Variants in SREBF2 observed in about 807,000 individuals in gnomAD.
The protein encoded by SREBF2 is sterol regulatory element-binding protein 2.
Under a neutral mutation model 113.1 loss-of-function variants are expected in SREBF2, and 55 were observed. That is an observed-to-expected ratio of 0.49 (90% CI 0.39 to 0.61). The LOEUF is 0.61. SREBF2 is among the 20% of genes least tolerant of loss of function. The pLI is 0.00. For missense variants in SREBF2, 1,349 were observed against 1,487.4 expected (o/e 0.91, Z 1.53); for synonymous variants, 593 against 605.7 (o/e 0.98, Z 0.31).
intron 15 of SREBF2, chr22:41,899,060 C>G (rs2077441530): frequency 1.6e-6 from 1 of 611,678 alleles, no homozygotes; most frequent in East Asian, 4.7e-5. Context: ...CATGGCGCCA[C>G]AGGCTGAAAA....
chr22:41,890,247 C>T (rs1368551260), intron 11 of SREBF2, among the ~76,000 whole-genome samples: 1 of 152,150 alleles, frequency 6.6e-6, no homozygotes, highest in African/African-American at 2.4e-5. Flanking sequence ...CTCTTTTCCA[C>T]ATTGATTTTC....
rs538976123 is a variant in SREBF2, at chr22:41,906,142, C to T, written c.*482C>T. 6 of 383,422 alleles carry T rather than the reference C, an allele frequency of 1.6e-5. No homozygotes were observed. Among genetic ancestry groups the T allele is most frequent in the Admixed American group, 1.2e-4 (4 of 32,312 alleles). 23.8% of individuals were successfully genotyped at this position (383,422 alleles called of 1,614,324 possible). On this transcript the variant is annotated 3_prime_UTR_variant, in exon 19 of 19. Coordinates refer to ENST00000361204, the MANE Select transcript of SREBF2 (RefSeq NM_004599.4). ...CAGTGTGCTTGGGTTTGCCATGATGCGAGGCTGAGTTGCTGTAGCGTCTTG... is the reference window on the plus strand; with the variant it reads ...CAGTGTGCTTGGGTTTGCCATGATGTGAGGCTGAGTTGCTGTAGCGTCTTG...
At position 41,897,153 on chromosome 22, in the gene SREBF2, C is replaced by T. The variant is rs2077423988; in HGVS notation, c.2597C>T (p.Ser866Phe). The T allele has an allele frequency of 1.2e-6, 2 of 1,610,278 alleles. No individual in the cohort carries two copies. Among genetic ancestry groups the T allele is most frequent in the Admixed American group, 3.3e-5 (2 of 59,900 alleles). ...PPLSRSSVLK[S>F]ALGPDIICRW... ...CTCTCCAGGAGCTCCGTGCTCAAGT[C>T]CGCCCTGGGTAAGCACCTGCGGGTG... Residue 866 changes from serine to phenylalanine, a missense_variant, in exon 14 of 19, where the codon TCC (serine) becomes TTC (phenylalanine). This residue lies in a region of SREBF2 where 650 missense variants were observed against 644.1 expected (regional missense o/e 1.01). Coordinates refer to ENST00000361204, the MANE Select transcript of SREBF2 (RefSeq NM_004599.4).
intron 1 of SREBF2, among the ~76,000 whole-genome samples, chr22:41,842,159 A>T (rs1371391953): frequency 6.6e-6 from 1 of 152,230 alleles, no homozygotes; most frequent in African/African-American, 2.4e-5. Context: ...CATTCATATG[A>T]ATCAAAATAA....
chr22:41,904,391 C>T (rs891204497), intron 17 of SREBF2: 16 of 358,038 alleles, frequency 4.5e-5, no homozygotes, highest in African/African-American at 2.1e-4. Context: ...CATACCTAAG[C>T]GCTGCAGACT....
chr22:41,905,838 G>T lies in SREBF2; in HGVS notation c.*178G>T. On this transcript the variant is annotated 3_prime_UTR_variant, in exon 19 of 19. Coordinates refer to ENST00000361204, the MANE Select transcript of SREBF2 (RefSeq NM_004599.4). ...GAGCCCCTTAAAGCTGCTGTCACTA[G>T]ATGCCCATGGTCCAGGGCCTGGTGG... The T allele has an allele frequency of 1.3e-6, 1 of 767,670 alleles. No homozygotes were observed. The highest frequency in any genetic ancestry group is 2.3e-6 in the Non-Finnish European group (1 of 440,420). The allele number at this position is 767,670 out of a possible 1,614,324, so 47.6% of individuals were successfully genotyped here.
intron 11 of SREBF2, among the ~76,000 whole-genome samples, chr22:41,887,312 T>G (rs1168307716): frequency 6.6e-6 from 1 of 152,174 alleles, no homozygotes; most frequent in Non-Finnish European, 1.5e-5. Context: ...CACACCCTTA[T>G]AGCCAGCAGA....
intron 1 of SREBF2, among the ~76,000 whole-genome samples, chr22:41,861,914 G>C (rs764631455): frequency 1.3e-5 from 2 of 150,044 alleles, no homozygotes; most frequent in Non-Finnish European, 3.0e-5. Flanking sequence ...GCGAGACTTT[G>C]TCTCAAAAAA....
Position 41,905,551 on chromosome 22 carries a change from T to G in SREBF2, c.3317T>G (p.Leu1106Arg). The G allele has an allele frequency of 6.3e-7, 1 of 1,591,342 alleles. No homozygotes were observed. The highest frequency in any genetic ancestry group is 8.5e-7 in the Non-Finnish European group (1 of 1,169,634). The stretch of plus-strand genomic sequence containing the variant: ...TCCCCGGGCCAGCGGGCAGTGCTGC[T>G]GGCCGAAGCTGCCCGCACCCTGGAG... ...LSSPGQRAVL[L>R]AEAARTLEKV... The change falls in exon 19 of 19, where the codon CTG (leucine) becomes CGG (arginine). Residue 1106 changes from leucine to arginine, a missense_variant. By Grantham distance (102) the Leu-to-Arg change is moderately radical (BLOSUM62 -2). Coordinates refer to ENST00000361204, the MANE Select transcript of SREBF2 (RefSeq NM_004599.4).
At chr22:41,848,534 GCTCTTGCATGGGTCGGGA>G (rs1240041778) in intron 1 of SREBF2, among the ~76,000 whole-genome samples, 7 of 152,206 alleles carry the variant, frequency 4.6e-5, no homozygotes, top group Non-Finnish European at 8.8e-5. Context: ...CAAGGGTGGG[GCTCTTGCATGGGTCGGGA>G]CTCTGGTTGA....
At chr22:41,866,714 C>G in intron 1 of SREBF2, 117 bp from the exon 2 acceptor site, 3 of 1,226,516 alleles carry the variant, frequency 2.4e-6, no homozygotes, top group Middle Eastern at 4.3e-4. Flanking sequence ...GTTTCCTGAC[C>G]CATTTCTGCC....
At chr22:41,900,874 G>A (rs1052401296) in intron 16 of SREBF2, 4 of 514,092 alleles carry the variant, frequency 7.8e-6, no homozygotes, top group African/African-American at 3.8e-5. Flanking sequence ...CTGCCCCCTC[G>A]GGCACACAAA....
At chr22:41,899,885 T>C (rs2077450205) in intron 15 of SREBF2, 2 of 1,064,912 alleles carry the variant, frequency 1.9e-6, no homozygotes, top group Non-Finnish European at 2.3e-6. Context: ...CCCCCATCCC[T>C]AGCCTCCCCT....
At chr22:41,892,603 G>A (rs1449186167) in intron 11 of SREBF2, among the ~76,000 whole-genome samples, 2 of 145,518 alleles carry the variant, frequency 1.4e-5, no homozygotes, top group Non-Finnish European at 3.0e-5. Flanking sequence ...AGTCGAGATC[G>A]CGCCACTGCA....
chr22:41,880,999 GGGCAGCTGCT>G lies in SREBF2; in HGVS notation c.2038+9_2038+18del, dbSNP rs1269807231. 5.6e-6 allele frequency: 9 copies of G among 1,604,550 alleles called. No individual in the cohort carries two copies. The highest frequency in any genetic ancestry group is 2.1e-4 in the Middle Eastern group (1 of 4,712). On this transcript the variant is annotated splice_region_variant and intron_variant, in intron 10 of 18. Coordinates refer to ENST00000361204, the MANE Select transcript of SREBF2 (RefSeq NM_004599.4). Reference sequence around the variant, plus strand: ...CACCAGCTGCACATCACAGGTGAGGGGGCAGCTGCTGCTGCCTGGCTTGCTGCAAGGCATC... The same window carrying G: ...CACCAGCTGCACATCACAGGTGAGGGGCTGCCTGGCTTGCTGCAAGGCATC...
chr22:41,837,898 G>T (rs2076794280), intron 1 of SREBF2, among the ~76,000 whole-genome samples: 1 of 150,362 alleles, frequency 6.7e-6, no homozygotes, highest in Non-Finnish European at 1.5e-5. Flanking sequence ...GAAATACCCA[G>T]ATTTTTATAT....
Position 41,899,019 on chromosome 22 carries a change from A to G in SREBF2, c.2738+238A>G. On this transcript the variant is annotated intron_variant, in intron 15 of 18. Coordinates refer to ENST00000361204, the MANE Select transcript of SREBF2 (RefSeq NM_004599.4). ...GACAGTTGTCCCAGCAGCTGTCAGC[A>G]CTGTGTCCGGGTCCTCCTCCCTGCA... 3 of 651,226 alleles carry G rather than the reference A, an allele frequency of 4.6e-6. No homozygotes were observed. In the South Asian group the frequency reaches 5.2e-5, roughly 11 times the overall value. The allele number at this position is 651,226 out of a possible 1,614,324, so 40.3% of individuals were successfully genotyped here.
chr22:41,865,795 T>A (rs2077069459), intron 1 of SREBF2, among the ~76,000 whole-genome samples: 1 of 152,204 alleles, frequency 6.6e-6, no homozygotes, highest in South Asian at 2.1e-4. Context: ...CACTGTGTTG[T>A]GGTAGAAGAA....
chr22:41,846,147 G>C (rs946804499), intron 1 of SREBF2, among the ~76,000 whole-genome samples: 9 of 152,344 alleles, frequency 5.9e-5, no homozygotes, highest in African/African-American at 2.2e-4. Flanking sequence ...GTGCCTCCTT[G>C]CTTCAGTGTG....
Sources: allele counts gnomAD v4.1 joint callset (sites outside exome capture counted in the v4.1 genomes callset), GRCh38; gene constraint gnomAD v4.1.1; regional missense constraint gnomAD v4.1.1; transcripts MANE v1.5; gene names NCBI Gene and HGNC (gene_info 2026-07-23, HGNC 2026-07-21).